LRFN5: variants seen among roughly 807,000 people sequenced by gnomAD.
LRFN5 encodes the protein leucine-rich repeat and fibronectin type-III domain-containing protein 5.
A neutral mutation model predicts 45.6 loss-of-function variants in LRFN5; 24 were observed. The observed-to-expected ratio is 0.53, with a 90% CI of 0.38 to 0.74. LRFN5 has a LOEUF of 0.74. Among genes scored for constraint, LRFN5 ranks in the 30% least tolerant of loss-of-function variants. The pLI, the probability that LRFN5 is intolerant of heterozygous loss-of-function variation, is 0.00. For missense variants in LRFN5, 776 were observed against 861.5 expected, an observed-to-expected ratio of 0.90 and a Z score of 1.24; for synonymous variants, 340 against 313.8, an observed-to-expected ratio of 1.08 and a Z score of -0.88.
At chr14:41,781,597 A>AAAGG (rs1566437141) in intron 2 of LRFN5, among the ~76,000 whole-genome samples, 1 of 99,186 alleles carries the variant, frequency 1.0e-5, no homozygotes, top group Non-Finnish European at 2.0e-5. Context: ...AGAAAGAAAG[A>AAAGG]AAGAAAGAAA....
At chr14:41,857,863 A>G (rs905229578) in intron 2 of LRFN5, among the ~76,000 whole-genome samples, 2 of 152,188 alleles carry the variant, frequency 1.3e-5, no homozygotes, top group African/African-American at 4.8e-5. Context: ...TTGAAGTTTG[A>G]AAATAAGAGG....
At chr14:41,896,946 G>A (rs1963724) in intron 4 of LRFN5, among the ~76,000 whole-genome samples, 54,448 of 151,136 alleles carry the variant, frequency 0.36, 10,211 homozygotes, top group East Asian at 0.68. Flanking sequence ...CAAAAAATTA[G>A]CTGGGTGTGG....
At position 41,887,870 on chromosome 14, in the gene LRFN5, A is replaced by G. The variant is rs1377242161; in HGVS notation, c.1245A>G (p.Lys415=). The change falls in exon 3 of 6, where the codon AAA becomes AAG. Residue 415 remains lysine (K), a synonymous_variant. Coordinates refer to ENST00000298119, the MANE Select transcript of LRFN5 (RefSeq NM_152447.5). This position sits in a 1 kb window ranked among gnomAD's most constrained non-coding sequence, Gnocchi z 4.8. ...SNTSSSNGDT[K]LSQDKIVVAE... is the part of the protein sequence containing the mutation. ...CAAGCAGTAGTAATGGTGATACTAA[A>G]TTGAGTCAAGATAAAATTGTGGTGG... 3 of 1,614,006 alleles carry G rather than the reference A, an allele frequency of 1.9e-6. No individual in the cohort carries two copies. The Admixed American group carries it at 5.0e-5, about 27-fold the overall frequency.
intron 1 of LRFN5, among the ~76,000 whole-genome samples, chr14:41,710,683 A>G (rs186296822): frequency 8.2e-4 from 125 of 152,258 alleles, no homozygotes; most frequent in African/African-American, 2.8e-3. Context: ...TGTTTGTTAC[A>G]TATGTATACA....
In LRFN5 at chr14:41,669,545, G is replaced by C. The variant is rs145151926; in HGVS notation, c.-197+60983G>C. ...AACTTTTTTTTTGAACTGTTTTTCT[G>C]TCTGTTGGATTGATAAGCATCTGTA... On this transcript the variant is annotated intron_variant, in intron 1 of 5. Transcript: ENST00000298119. 2.5e-3 allele frequency among the ~76,000 whole-genome samples: 380 copies of C among 151,850 alleles called. 1 individual carries two copies. Among genetic ancestry groups the C allele is most frequent in the African/African-American group, 8.8e-3 (364 of 41,430 alleles).
chr14:41,644,293 G>A (rs992590871), intron 1 of LRFN5, among the ~76,000 whole-genome samples: 2 of 152,120 alleles, frequency 1.3e-5, no homozygotes, highest in Admixed American at 6.6e-5. Context: ...ATGCATGTAG[G>A]CAGATTCCAA....
chr14:41,892,049 A>G, intron 4 of LRFN5, 87 bp downstream of exon 4: 3 of 1,520,232 alleles, frequency 2.0e-6, no homozygotes, highest in Admixed American at 2.6e-5. Flanking sequence ...CTATTGTTAT[A>G]TTAACTCGCC....
intron 1 of LRFN5, among the ~76,000 whole-genome samples, chr14:41,689,705 T>G (rs926571031): frequency 6.6e-6 from 1 of 151,136 alleles, no homozygotes; most frequent in South Asian, 2.1e-4. Context: ...CCATCCTGGC[T>G]AACACGGTGA....
intron 2 of LRFN5, among the ~76,000 whole-genome samples, chr14:41,828,384 A>G (rs1471526622): frequency 5.9e-5 from 9 of 152,122 alleles, no homozygotes; most frequent in Non-Finnish European, 7.4e-5. Context: ...TAGTAGTGCT[A>G]GTAGAATCAA....
intron 2 of LRFN5, among the ~76,000 whole-genome samples, chr14:41,819,708 G>C (rs981951242): frequency 2.6e-5 from 4 of 151,992 alleles, no homozygotes; most frequent in African/African-American, 9.7e-5. Flanking sequence ...TAAACAACCA[G>C]ATCTCATGAG....
chr14:41,624,100 C>A (rs1047665709), intron 1 of LRFN5, among the ~76,000 whole-genome samples: 1 of 152,058 alleles, frequency 6.6e-6, no homozygotes, highest in Non-Finnish European at 1.5e-5. Flanking sequence ...GAGTCAAATA[C>A]CTTGAGCTTC....
At chr14:41,749,762 CAT>C (rs780106714) in intron 1 of LRFN5, among the ~76,000 whole-genome samples, 2 of 152,102 alleles carry the variant, frequency 1.3e-5, no homozygotes, top group South Asian at 2.1e-4. Context: ...TCCCATGACA[CAT>C]GTTTACCTGT....
Position 41,687,767 on chromosome 14 carries a change from C to G in LRFN5, c.-196-79087C>G, listed in dbSNP as rs750830221. Among the ~76,000 whole-genome samples the G allele has an allele frequency of 5.3e-5, 8 of 152,162 alleles. No individual in the cohort carries two copies. The South Asian group carries it at 1.7e-3, about 32-fold the overall frequency. On this transcript the variant is annotated intron_variant, in intron 1 of 5. Coordinates refer to ENST00000298119, the MANE Select transcript of LRFN5 (RefSeq NM_152447.5). ...AAACCTAACACCACATGTTCTCACT[C>G]ATAACACATGGACACAGAGAGGGGA...
intron 1 of LRFN5, among the ~76,000 whole-genome samples, chr14:41,717,008 G>A (rs779868262): frequency 6.6e-5 from 10 of 151,892 alleles, no homozygotes; most frequent in Admixed American, 2.6e-4. Context: ...TTTGTTTTTC[G>A]TCAAACCAAT....
intron 1 of LRFN5, among the ~76,000 whole-genome samples, chr14:41,730,558 G>C (rs921199971): frequency 1.3e-5 from 2 of 151,968 alleles, no homozygotes; most frequent in Non-Finnish European, 1.5e-5. Flanking sequence ...GTGTGAACTT[G>C]ATGTTTAGAA....
intron 1 of LRFN5, among the ~76,000 whole-genome samples, chr14:41,765,328 C>T (rs371296414): frequency 7.4e-5 from 10 of 135,330 alleles, no homozygotes; most frequent in South Asian, 4.7e-4. Flanking sequence ...GGCTACTGAG[C>T]GAGACTCCGT....
intron 1 of LRFN5, among the ~76,000 whole-genome samples, chr14:41,764,092 C>T (rs757648839): frequency 1.3e-5 from 2 of 152,036 alleles, no homozygotes; most frequent in Non-Finnish European, 1.5e-5. Flanking sequence ...TGAATTTTCC[C>T]TCTTTGGTCA....
In LRFN5 at chr14:41,674,219, C is replaced by G. The variant is rs1383905288; in HGVS notation, c.-197+65657C>G. On this transcript the variant is annotated intron_variant, in intron 1 of 5. Transcript: ENST00000298119. ...GCGGGGGGCTGACCCCCCCACCTCC[C>G]TCCCGGACGGGGCGGCTGGCCGGGC... 8.8e-3 allele frequency among the ~76,000 whole-genome samples: 1,198 copies of G among 136,830 alleles called. 6 individuals are homozygous for G. Among genetic ancestry groups the G allele is most frequent in the African/African-American group, 0.031 (1,118 of 35,578 alleles). The allele number at this position is 136,830 out of a possible 152,430, so 89.8% of individuals were successfully genotyped here. A position where few individuals can be genotyped will look rare whatever the true frequency, so the allele number is the denominator to read the frequency against.
chr14:41,740,036 G>C (rs1033151186), intron 1 of LRFN5, among the ~76,000 whole-genome samples: 7 of 151,940 alleles, frequency 4.6e-5, no homozygotes, highest in Non-Finnish European at 1.0e-4. Context: ...TAAGTAAGGA[G>C]ATTGAATCAA....
Sources: gnomAD v4.1 joint callset for allele counts (sites outside exome capture counted in the v4.1 genomes callset) on GRCh38, gnomAD v4.1.1 for gene constraint, Gnocchi (gnomAD v3.1) non-coding constraint, MANE v1.5 for transcripts, NCBI Gene and HGNC (gene_info 2026-07-23, HGNC 2026-07-21) for gene names.